GLRB: variants seen among roughly 807,000 people sequenced by gnomAD.
GLRB encodes the protein glycine receptor beta, also known as glycine receptor subunit beta.
In GLRB, 33 loss-of-function variants were observed where a neutral mutation model predicts 54.2. That is an observed-to-expected ratio of 0.61 (90% CI 0.46 to 0.81). The LOEUF (loss-of-function observed/expected upper bound fraction) is 0.81. Among genes scored for constraint, GLRB ranks in the 40% least tolerant of loss-of-function variants. The pLI is 0.00. For synonymous variants in GLRB, 209 were observed against 208.2 expected, an observed-to-expected ratio of 1.00 and a Z score of -0.03; for missense variants, 572 against 584.6, an observed-to-expected ratio of 0.98 and a Z score of 0.22.
intron 2 of GLRB, among the ~76,000 whole-genome samples, chr4:157,086,095 G>A (rs1734402132): frequency 6.6e-6 from 1 of 152,092 alleles, no homozygotes; most frequent in African/African-American, 2.4e-5. Flanking sequence ...TTCTCCCAAA[G>A]ACTTCGCGTT....
rs770934436 is a variant in GLRB at position 157,152,927 on chromosome 4, C to A, written c.1114C>A (p.Gln372Lys). The change falls in exon 9 of 10, where the codon CAA (glutamine) becomes AAA (lysine). Residue 372 changes from glutamine to lysine, a missense_variant. Physicochemically the swap from Gln to Lys is moderately conservative, Grantham distance 53. Transcript: ENST00000264428. ...AEKARIAKAE[Q>K]ADGKGGNVAK... is the part of the protein sequence containing the mutation. ...AAAAGCCAGAATTGCTAAGGCTGAG[C>A]AAGCAGATGGAAAAGGTGGAAATGT... 8.3e-5 allele frequency: 134 copies of A among 1,613,710 alleles called. No individual in the cohort carries two copies. Among genetic ancestry groups the A allele is most frequent in the Non-Finnish European group, 1.1e-4 (128 of 1,179,822 alleles).
At chr4:157,123,720 G>C (rs150111377) in intron 4 of GLRB, among the ~76,000 whole-genome samples, 1 of 151,856 alleles carries the variant, frequency 6.6e-6, no homozygotes, top group African/African-American at 2.4e-5. Flanking sequence ...CCAAGAGTAA[G>C]AGATATCATT....
At chr4:157,136,327 A>T in intron 4 of GLRB, 142 bp from the exon 5 acceptor site, 1 of 654,804 alleles carries the variant, frequency 1.5e-6, no homozygotes, top group South Asian at 1.8e-5. Context: ...TTAGTGACAC[A>T]GTTGTTGTGA....
At position 157,170,618 on chromosome 4, in the gene GLRB, G is replaced by T; in HGVS notation, c.1384G>T (p.Ala462Ser). The change falls in exon 10 of 10, where the codon GCG (alanine) becomes TCG (serine). Residue 462 changes from alanine to serine, a missense_variant. Coordinates refer to ENST00000264428, the MANE Select transcript of GLRB (RefSeq NM_000824.5). ...QAKNNKKPPPAKPVIPTAAKR... is the reference protein window; with the variant it reads ...QAKNNKKPPPSKPVIPTAAKR... Reference sequence around the variant, plus strand: ...TAAGAACAACAAGAAGCCTCCCCCTGCGAAACCTGTTATTCCAACAGCAGC... The same window carrying T: ...TAAGAACAACAAGAAGCCTCCCCCTTCGAAACCTGTTATTCCAACAGCAGC... 6.2e-7 allele frequency: 1 copy of T among 1,612,838 alleles called. No homozygotes were observed. The highest frequency in any genetic ancestry group is 8.5e-7 in the Non-Finnish European group (1 of 1,179,114).
At position 157,136,501 on chromosome 4, in the gene GLRB, A is replaced by G. The variant is rs373599982; in HGVS notation, c.330A>G (p.Lys110=). 3.1e-6 allele frequency: 5 copies of G among 1,611,758 alleles called. No homozygotes were observed. Among genetic ancestry groups the G allele is most frequent in the Middle Eastern group, 1.7e-4 (1 of 6,060 alleles). The change falls in exon 5 of 10, where the codon AAA becomes AAG. Residue 110 remains lysine (K), a synonymous_variant. Transcript: ENST00000264428. ...GAGTTAACATCTTCCTGAGACAAAA[A>G]TGGAATGACCCCAGGCTGAAGCTCC... ...DYRVNIFLRQ[K]WNDPRLKLPS... is the part of the protein sequence containing the mutation.
intron 2 of GLRB, among the ~76,000 whole-genome samples, chr4:157,105,513 C>T (rs1272564845): frequency 6.6e-6 from 1 of 151,878 alleles, no homozygotes; most frequent in Non-Finnish European, 1.5e-5. Flanking sequence ...ATGAAATGTT[C>T]TGTATTTTTT....
At chr4:157,152,610 T>A (rs1245661346) in intron 8 of GLRB, 108 bp from the exon 9 acceptor site, 2 of 858,884 alleles carry the variant, frequency 2.3e-6, no homozygotes, top group Non-Finnish European at 4.0e-6. Flanking sequence ...GACAAATTGT[T>A]CATGGGTCAT....
chr4:157,096,020 C>T (rs745719271), intron 2 of GLRB, among the ~76,000 whole-genome samples: 3 of 152,154 alleles, frequency 2.0e-5, no homozygotes, highest in Non-Finnish European at 2.9e-5. Flanking sequence ...TGCAGAATGT[C>T]TGGGGCTGAT....
chr4:157,114,063 A>T (rs916333769), intron 2 of GLRB, among the ~76,000 whole-genome samples: 11 of 152,008 alleles, frequency 7.2e-5, no homozygotes, highest in Non-Finnish European at 1.2e-4. Context: ...AGCTGAATAC[A>T]TGAAGTATTT....
chr4:157,101,840 T>G (rs930207689), intron 2 of GLRB, among the ~76,000 whole-genome samples: 693 of 95,848 alleles, frequency 7.2e-3, no homozygotes, highest in Admixed American at 0.011. Context: ...TGGGGTTGGG[T>G]GGGGGCGGTT....
chr4:157,082,501 C>T (rs188437267), intron 2 of GLRB, among the ~76,000 whole-genome samples: 5 of 152,270 alleles, frequency 3.3e-5, no homozygotes, highest in Admixed American at 2.0e-4. Context: ...AGATCTTTGA[C>T]TATCTCTTAT....
At chr4:157,115,315 TA>T (rs34651220) in intron 2 of GLRB, among the ~76,000 whole-genome samples, 2 of 147,578 alleles carry the variant, frequency 1.4e-5, no homozygotes, top group African/African-American at 2.5e-5. Context: ...ACCTGCTCTT[TA>T]AAAAAAAATT....
chr4:157,097,279 A>T (rs1460123211), intron 2 of GLRB, among the ~76,000 whole-genome samples: 1 of 152,172 alleles, frequency 6.6e-6, no homozygotes, highest in Non-Finnish European at 1.5e-5. Context: ...TACATGTGGC[A>T]TAAAATAGGT....
intron 2 of GLRB, among the ~76,000 whole-genome samples, chr4:157,108,839 T>C (rs1242109385): frequency 1.3e-5 from 2 of 152,048 alleles, no homozygotes; most frequent in Admixed American, 6.6e-5. Flanking sequence ...GAAGAGTCCA[T>C]TGATCTAGCA....
intron 4 of GLRB, among the ~76,000 whole-genome samples, chr4:157,129,925 T>G (rs1736150802): frequency 6.6e-6 from 1 of 151,654 alleles, no homozygotes; most frequent in Non-Finnish European, 1.5e-5. Flanking sequence ...CCCAAACATG[T>G]TACACTATAT....
chr4:157,097,824 C>T (rs1000570579), intron 2 of GLRB, among the ~76,000 whole-genome samples: 1 of 152,102 alleles, frequency 6.6e-6, no homozygotes, highest in Admixed American at 6.5e-5. Context: ...AGTTCGAGAC[C>T]AGCCTGGCCA....
rs36034611 is a variant in GLRB, at chr4:157,159,728, G to A, written c.1197+6718G>A. On this transcript the variant is annotated intron_variant, in intron 9 of 9. Transcript: ENST00000264428. ...ACCTTTTTGATGTGCTGCTGGATTC[G>A]GTTTGCCAGTATTTTATTGAGGATT... 5.9e-5 allele frequency among the ~76,000 whole-genome samples: 9 copies of A among 152,216 alleles called. No homozygotes were observed. The East Asian group carries it at 7.7e-4, about 13-fold the overall frequency.
intron 9 of GLRB, among the ~76,000 whole-genome samples, chr4:157,164,898 C>G (rs936264710): frequency 2.0e-5 from 3 of 151,834 alleles, no homozygotes; most frequent in African/African-American, 7.3e-5. Context: ...AAATAATTAC[C>G]CAATAAATAA....
intron 6 of GLRB, among the ~76,000 whole-genome samples, 192 bp from the exon 7 acceptor site, chr4:157,138,617 A>G (rs1736495392): frequency 6.6e-6 from 1 of 152,158 alleles, no homozygotes; most frequent in Non-Finnish European, 1.5e-5. Context: ...TTTAAGATGA[A>G]TATCTTTAAC....
Sources: allele counts gnomAD v4.1 joint callset (sites outside exome capture counted in the v4.1 genomes callset), GRCh38; gene constraint gnomAD v4.1.1; transcripts MANE v1.5; gene names NCBI Gene and HGNC (gene_info 2026-07-23, HGNC 2026-07-21).